CALN1: variants seen among roughly 807,000 people sequenced by gnomAD.
The protein encoded by CALN1 is calneuron 1.
CALN1 carries 17 observed loss-of-function variants against 30.6 expected under a neutral mutation model. The observed-to-expected ratio is 0.56, with a 90% CI of 0.38 to 0.83. The LOEUF (loss-of-function observed/expected upper bound fraction) is 0.83, where lower values mean the gene tolerates loss of function less well. CALN1 is among the 40% of genes least tolerant of loss of function. The probability of loss-of-function intolerance (pLI) is 0.00; values close to 1 mark genes in which losing one functional copy is unlikely to be tolerated. For synonymous variants in CALN1, 156 were observed against 131.4 expected (o/e 1.19, Z -1.28); for missense variants, 291 against 354.9 (o/e 0.82, Z 1.45).
chr7:71,862,286 T>C (rs1205149238), intron 5 of CALN1, among the ~76,000 whole-genome samples: 2 of 152,226 alleles, frequency 1.3e-5, no homozygotes, highest in Non-Finnish European at 2.9e-5. Flanking sequence ...ACGATTTGGC[T>C]GTGTCCCTAC....
At chr7:72,325,637 C>G (rs1801218086) in intron 2 of CALN1, among the ~76,000 whole-genome samples, 2 of 152,110 alleles carry the variant, frequency 1.3e-5, no homozygotes, top group Non-Finnish European at 2.9e-5. Flanking sequence ...GAAACTCTGT[C>G]TCAAAAATAA....
At chr7:72,331,553 G>T (rs766239009) in intron 2 of CALN1, among the ~76,000 whole-genome samples, 1 of 152,182 alleles carries the variant, frequency 6.6e-6, no homozygotes, top group Non-Finnish European at 1.5e-5. Flanking sequence ...GCTTAGCCTG[G>T]GAGGGTTCTT....
chr7:71,883,163 A>G (rs1330410144), intron 5 of CALN1, among the ~76,000 whole-genome samples: 2 of 152,182 alleles, frequency 1.3e-5, no homozygotes, highest in Non-Finnish European at 2.9e-5. Context: ...CTATACACAT[A>G]TACACACATG....
At chr7:72,177,910 G>A (rs1014491970) in intron 3 of CALN1, among the ~76,000 whole-genome samples, 8 of 151,998 alleles carry the variant, frequency 5.3e-5, no homozygotes, top group Non-Finnish European at 8.8e-5. Context: ...ACCTCCACCC[G>A]GTGCTGATCC....
intron 2 of CALN1, among the ~76,000 whole-genome samples, chr7:72,352,361 C>G (rs1262193388): frequency 7.7e-6 from 1 of 129,146 alleles, no homozygotes; most frequent in African/African-American, 3.1e-5. Flanking sequence ...TGCACTCCAG[C>G]CTGGGTGACA....
intron 5 of CALN1, among the ~76,000 whole-genome samples, chr7:72,008,306 G>A (rs1457612250): frequency 6.6e-6 from 1 of 151,928 alleles, no homozygotes; most frequent in African/African-American, 2.4e-5. Flanking sequence ...TTGAGTGAAT[G>A]AAAATATTAT....
intron 6 of CALN1, among the ~76,000 whole-genome samples, chr7:71,796,251 T>C (rs1786914457): frequency 6.6e-6 from 1 of 152,188 alleles, no homozygotes; most frequent in African/African-American, 2.4e-5. Flanking sequence ...GTCATGCCGC[T>C]ATGAACATCC....
intron 3 of CALN1, among the ~76,000 whole-genome samples, chr7:72,144,025 C>T (rs1000208780): frequency 2.0e-5 from 3 of 151,864 alleles, no homozygotes; most frequent in Non-Finnish European, 2.9e-5. Flanking sequence ...AAAAACATGC[C>T]AAACTGTAAA....
intron 5 of CALN1, among the ~76,000 whole-genome samples, chr7:71,941,611 A>G (rs957474328): frequency 2.0e-5 from 3 of 152,224 alleles, no homozygotes; most frequent in African/African-American, 7.2e-5. Context: ...CAACAATGGT[A>G]TACACTTGAC....
At chr7:71,932,125 G>C (rs971360836) in intron 5 of CALN1, among the ~76,000 whole-genome samples, 1 of 152,150 alleles carries the variant, frequency 6.6e-6, no homozygotes. Flanking sequence ...GTGTGCTTTG[G>C]AGAGTGGTTC....
chr7:72,150,359 G>A (rs1057141258), intron 3 of CALN1, among the ~76,000 whole-genome samples: 3 of 152,202 alleles, frequency 2.0e-5, no homozygotes, highest in African/African-American at 7.2e-5. Flanking sequence ...GAAGAAGCCA[G>A]GCAAGGTCCC....
At chr7:72,250,714 TACTCCCCCTCTTGCGACG>T (rs1795494730) in intron 3 of CALN1, among the ~76,000 whole-genome samples, 1 of 152,000 alleles carries the variant, frequency 6.6e-6, no homozygotes, top group Non-Finnish European at 1.5e-5. Flanking sequence ...GCATCTCGCT[TACTCCCCCTCTTGCGACG>T]TGATGCCCAC....
chr7:72,217,355 C>T (rs1792904364), intron 3 of CALN1, among the ~76,000 whole-genome samples: 1 of 152,106 alleles, frequency 6.6e-6, no homozygotes, highest in South Asian at 2.1e-4. Context: ...GGGCATCTTG[C>T]CTCTTGGAGT....
chr7:72,225,965 A>G (rs1281259249), intron 3 of CALN1, among the ~76,000 whole-genome samples: 3 of 151,878 alleles, frequency 2.0e-5, no homozygotes, highest in Non-Finnish European at 4.4e-5. Context: ...GTGTGGTGGC[A>G]CACACCTGTA....
intron 3 of CALN1, among the ~76,000 whole-genome samples, chr7:72,144,076 A>G (rs1298193667): frequency 6.6e-6 from 1 of 152,234 alleles, no homozygotes; most frequent in Admixed American, 6.5e-5. Flanking sequence ...ACTAACGAGC[A>G]AAATAACCAG....
chr7:72,140,839 G>A (rs917681064), intron 3 of CALN1, among the ~76,000 whole-genome samples: 2 of 152,240 alleles, frequency 1.3e-5, no homozygotes, highest in Non-Finnish European at 1.5e-5. Context: ...AGTCCTGGGG[G>A]AAAGCTGGCA....
rs182972204 is a variant in CALN1, at chr7:72,305,919, T to G, written c.120-27109A>C. Among the ~76,000 whole-genome samples the G allele has an allele frequency of 2.0e-5, 3 of 152,272 alleles. No homozygotes were observed. The East Asian group carries it at 5.8e-4, about 29-fold the overall frequency. ...AGAAAGAGGGAGAGAGGGCAAGCTC[T>G]CTGGTATCTCTACTTATAAGGGCAC... On this transcript the variant is annotated intron_variant, in intron 2 of 6. Coordinates refer to ENST00000395275, the MANE Select transcript of CALN1 (RefSeq NM_031468.4).
intron 3 of CALN1, among the ~76,000 whole-genome samples, chr7:72,246,989 G>A (rs1313233315): frequency 2.0e-5 from 3 of 151,930 alleles, no homozygotes; most frequent in Admixed American, 2.0e-4. Context: ...CCCGACCTCA[G>A]GTGATCTGCC....
intron 4 of CALN1, among the ~76,000 whole-genome samples, chr7:72,046,098 A>G (rs527251023): frequency 6.6e-6 from 1 of 151,602 alleles, no homozygotes; most frequent in South Asian, 2.1e-4. Context: ...GAATTGCTTG[A>G]GCCCAGGAGT....
Sources: gnomAD v4.1 joint callset for allele counts (sites outside exome capture counted in the v4.1 genomes callset) on GRCh38, gnomAD v4.1.1 for gene constraint, MANE v1.5 for transcripts, NCBI Gene and HGNC (gene_info 2026-07-23, HGNC 2026-07-21) for gene names.